NSUN7: variants seen among roughly 807,000 people sequenced by gnomAD.
NSUN7 encodes protein NSUN7.
NSUN7 carries 39 observed loss-of-function variants against 58.5 expected under a neutral mutation model. That is an observed-to-expected ratio of 0.67 (90% CI 0.52 to 0.87). The LOEUF is 0.87. Ranked by LOEUF, NSUN7 falls within the 40% of genes least tolerant of loss-of-function variation. The probability of loss-of-function intolerance (pLI) is 0.00; values close to 1 mark genes in which losing one functional copy is unlikely to be tolerated. For synonymous variants in NSUN7, 278 were observed against 303.7 expected (o/e 0.92, Z 0.88); for missense variants, 765 against 844.1 (o/e 0.91, Z 1.16).
intron 2 of NSUN7, among the ~76,000 whole-genome samples, chr4:40,752,076 T>C (rs969517831): frequency 6.6e-6 from 1 of 152,242 alleles, no homozygotes; most frequent in South Asian, 2.1e-4. Context: ...TCGTACTAGC[T>C]GTGACTAAAA....
rs184665559 is a variant in NSUN7 at position 40,800,920 on chromosome 4, T to C, written c.1400+2016T>C. Among the ~76,000 whole-genome samples, 63 of 152,302 alleles carry C rather than the reference T, an allele frequency of 4.1e-4. 1 individual carries two copies. The highest frequency in any genetic ancestry group is 1.5e-3 in the African/African-American group (61 of 41,546). The stretch of plus-strand genomic sequence containing the variant: ...GAAAAGGTCTGACTTTATTCTTTAA[T>C]TCAAATAATCATTAATATTCTTTTG... On this transcript the variant is annotated intron_variant, in intron 10 of 11. Transcript: ENST00000381782.
intron 2 of NSUN7, among the ~76,000 whole-genome samples, chr4:40,760,057 A>C (rs966296003): frequency 6.6e-6 from 1 of 152,192 alleles, no homozygotes; most frequent in Non-Finnish European, 1.5e-5. Context: ...CAAAACCAAA[A>C]AAATTAGCAA....
At chr4:40,762,219 G>A (rs1197330136) in intron 4 of NSUN7, among the ~76,000 whole-genome samples, 1 of 152,146 alleles carries the variant, frequency 6.6e-6, no homozygotes, top group African/African-American at 2.4e-5. Flanking sequence ...TTATAAATTA[G>A]CTGGTCTCAG....
intron 7 of NSUN7, among the ~76,000 whole-genome samples, chr4:40,781,888 C>T (rs1742583441): frequency 6.6e-6 from 1 of 152,124 alleles, no homozygotes; most frequent in South Asian, 2.1e-4. Flanking sequence ...AGATTCAAGT[C>T]AAGAAACACT....
chr4:40,759,088 T>A (rs560529827), intron 2 of NSUN7, among the ~76,000 whole-genome samples: 2 of 152,254 alleles, frequency 1.3e-5, no homozygotes, highest in African/African-American at 4.8e-5. Flanking sequence ...GGTGGGCAGA[T>A]CACCTGAGGT....
At position 40,809,543 on chromosome 4, in the gene NSUN7, G is replaced by T. The variant is rs947950201; in HGVS notation, c.*604G>T. 2.6e-5 allele frequency: 4 copies of T among 152,142 alleles called. No individual in the cohort carries two copies. Among genetic ancestry groups the T allele is most frequent in the African/African-American group, 9.7e-5 (4 of 41,408 alleles). The allele number at this position is 152,142 out of a possible 1,614,324, so 9.4% of individuals were successfully genotyped here. On this transcript the variant is annotated 3_prime_UTR_variant, in exon 12 of 12. Coordinates refer to ENST00000381782, the MANE Select transcript of NSUN7 (RefSeq NM_024677.6). ...TAGCTCAGAGTTCCTTTTACAGTGA[G>T]GTGTCTCTCACTGGGGGAGCTTCCA... is the stretch of plus-strand genomic sequence containing the variant.
chr4:40,774,591 T>C (rs1418196266), intron 5 of NSUN7, among the ~76,000 whole-genome samples, 174 bp downstream of exon 5: 1 of 152,222 alleles, frequency 6.6e-6, no homozygotes, highest in Non-Finnish European at 1.5e-5. Flanking sequence ...TACATAAATA[T>C]GTTAACTTCT....
Sources: allele counts gnomAD v4.1 joint callset (sites outside exome capture counted in the v4.1 genomes callset), GRCh38; gene constraint gnomAD v4.1.1; transcripts MANE v1.5; gene names NCBI Gene and HGNC (gene_info 2026-07-23, HGNC 2026-07-21).